NR1H4: variants seen among roughly 807,000 people sequenced by gnomAD.
The protein encoded by NR1H4 is bile acid receptor.
In NR1H4, 23 loss-of-function variants were observed where a neutral mutation model predicts 58.5. The ratio of observed to expected loss-of-function variants is 0.39; its 90% CI spans 0.28 to 0.56. The LOEUF (loss-of-function observed/expected upper bound fraction) is 0.56. Ranked by LOEUF, NR1H4 falls within the 20% of genes least tolerant of loss-of-function variation. The pLI is 0.58. For synonymous variants in NR1H4, 214 were observed against 198.0 expected (o/e 1.08, Z -0.68); for missense variants, 487 against 576.9 (o/e 0.84, Z 1.60).
intron 4 of NR1H4, among the ~76,000 whole-genome samples, chr12:100,512,804 CTT>C (rs1273088086): frequency 2.0e-5 from 3 of 152,334 alleles, no homozygotes; most frequent in African/African-American, 7.2e-5. Flanking sequence ...AAAACCATCT[CTT>C]GAGCAGAATC....
At chr12:100,490,653 A>G (rs1056611915) in intron 1 of NR1H4, among the ~76,000 whole-genome samples, 1 of 152,156 alleles carries the variant, frequency 6.6e-6, no homozygotes, top group Non-Finnish European at 1.5e-5. Context: ...ACATATACAT[A>G]TTTAGTATCA....
At chr12:100,505,882 C>G (rs2031706) in intron 3 of NR1H4, 19,831 of 354,656 alleles carry the variant, frequency 0.056, 1,165 homozygotes, top group East Asian at 0.17. Flanking sequence ...TTGTCCTAAC[C>G]CTTGACATCC....
intron 9 of NR1H4, among the ~76,000 whole-genome samples, chr12:100,560,680 G>A (rs1955450168): frequency 6.6e-6 from 1 of 152,194 alleles, no homozygotes; most frequent in Non-Finnish European, 1.5e-5. Context: ...TGAGACCAAG[G>A]ACCCACCAAT....
At chr12:100,551,300 A>C (rs1435167381) in intron 9 of NR1H4, among the ~76,000 whole-genome samples, 1 of 152,218 alleles carries the variant, frequency 6.6e-6, no homozygotes, top group Non-Finnish European at 1.5e-5. Context: ...ACCATACTAA[A>C]ATATACTGTG....
intron 3 of NR1H4, among the ~76,000 whole-genome samples, chr12:100,502,074 A>G (rs550548534): frequency 1.3e-5 from 2 of 152,382 alleles, no homozygotes; most frequent in Non-Finnish European, 2.9e-5. Flanking sequence ...CAATGTAGTG[A>G]TGATGGGTAG....
intron 1 of NR1H4, among the ~76,000 whole-genome samples, chr12:100,490,357 T>C (rs571766649): frequency 5.6e-4 from 85 of 152,214 alleles, no homozygotes; most frequent in Admixed American, 9.8e-4. Flanking sequence ...AAAAGACAGA[T>C]GTGAGACAAG....
chr12:100,534,521 C>T (rs1320960609), intron 5 of NR1H4, among the ~76,000 whole-genome samples: 1 of 152,188 alleles, frequency 6.6e-6, no homozygotes. Flanking sequence ...TTCACCTTTT[C>T]ATTGACTGAA....
At chr12:100,508,512 C>T (rs553296275) in intron 3 of NR1H4, among the ~76,000 whole-genome samples, 20 of 152,138 alleles carry the variant, frequency 1.3e-4, no homozygotes, top group Admixed American at 1.3e-3. Flanking sequence ...AGTGCATGGG[C>T]TTTGAGATTA....
chr12:100,521,430 A>C (rs1434918657), intron 4 of NR1H4, among the ~76,000 whole-genome samples: 3 of 152,212 alleles, frequency 2.0e-5, no homozygotes, highest in Non-Finnish European at 4.4e-5. Context: ...TGTCTGAATG[A>C]ATTTTGATTC....
chr12:100,484,757 C>G (rs1479779065), intron 1 of NR1H4, among the ~76,000 whole-genome samples: 2 of 152,186 alleles, frequency 1.3e-5, no homozygotes, highest in Non-Finnish European at 2.9e-5. Context: ...CCCAGCCCAC[C>G]TTCTCACTAG....
intron 3 of NR1H4, chr12:100,503,523 A>G: frequency 6.4e-7 from 1 of 1,560,748 alleles, no homozygotes; most frequent in Non-Finnish European, 8.6e-7. Flanking sequence ...AGGTGCTTTC[A>G]GGTCGAGCTC....
intron 4 of NR1H4, among the ~76,000 whole-genome samples, chr12:100,513,578 TAAGGTCAGGAGTTC>T (rs1341529311): frequency 6.6e-6 from 1 of 152,114 alleles, no homozygotes; most frequent in Non-Finnish European, 1.5e-5. Flanking sequence ...GGGGATCACC[TAAGGTCAGGAGTTC>T]AAGACCAGCC....
chr12:100,502,043 A>G lies in NR1H4; in HGVS notation c.79+8641A>G, dbSNP rs142447190. On this transcript the variant is annotated intron_variant, in intron 3 of 10. Coordinates refer to ENST00000392986, the MANE Select transcript of NR1H4 (RefSeq NM_001206979.2). ...GCAACCCAAGGTACAACATGAGTCC[A>G]AAGCTGAGCAATCATAACATCAATG... Among the ~76,000 whole-genome samples the G allele has an allele frequency of 3.3e-4, 51 of 152,368 alleles. 1 individual carries two copies. The East Asian group carries it at 6.5e-3, about 20-fold the overall frequency.
At chr12:100,561,168 G>A (rs1270862479) in intron 9 of NR1H4, among the ~76,000 whole-genome samples, 2 of 151,596 alleles carry the variant, frequency 1.3e-5, no homozygotes, top group Non-Finnish European at 2.9e-5. Context: ...AGGCCGAGGC[G>A]GGCGGATCAC....
At chr12:100,490,045 C>T (rs750925167) in intron 1 of NR1H4, among the ~76,000 whole-genome samples, 2 of 152,092 alleles carry the variant, frequency 1.3e-5, no homozygotes, top group African/African-American at 4.8e-5. Flanking sequence ...TAAATTATGT[C>T]CTAAGCTTTT....
intron 6 of NR1H4, 112 bp from the exon 7 acceptor site, chr12:100,536,400 G>A: frequency 2.9e-6 from 2 of 684,456 alleles, no homozygotes; most frequent in Non-Finnish European, 5.3e-6. Flanking sequence ...CTGTATTTAT[G>A]CCTTTTTTTT....
intron 10 of NR1H4, among the ~76,000 whole-genome samples, chr12:100,562,602 A>G (rs1955501076): frequency 6.6e-6 from 1 of 152,252 alleles, no homozygotes; most frequent in African/African-American, 2.4e-5. Context: ...ATGAATATAC[A>G]ATCATTTACT....
intron 9 of NR1H4, among the ~76,000 whole-genome samples, chr12:100,554,445 A>G (rs936210915): frequency 6.6e-6 from 1 of 151,436 alleles, no homozygotes; most frequent in African/African-American, 2.4e-5. Flanking sequence ...TTTGTTCCCA[A>G]TTACGACTAG....
chr12:100,529,099 T>C (rs1954631147), intron 4 of NR1H4, among the ~76,000 whole-genome samples: 2 of 152,228 alleles, frequency 1.3e-5, no homozygotes, highest in African/African-American at 2.4e-5. Context: ...TTTTTTAGAC[T>C]TTATTTGGTT....
Sources: allele counts gnomAD v4.1 joint callset (sites outside exome capture counted in the v4.1 genomes callset), GRCh38; gene constraint gnomAD v4.1.1; transcripts MANE v1.5; gene names NCBI Gene and HGNC (gene_info 2026-07-23, HGNC 2026-07-21).